PRELID2: variants seen among roughly 807,000 people sequenced by gnomAD.
PRELID2 encodes PRELI domain containing 2, also known as PRELI domain-containing protein 2.
Under a neutral mutation model 28.4 loss-of-function variants are expected in PRELID2, and 25 were observed. That is an observed-to-expected ratio of 0.88 (90% confidence interval 0.64 to 1.23). The LOEUF is 1.23. PRELID2 is among the 50% of genes most tolerant of loss of function. The pLI is 0.00. For missense variants in PRELID2, 201 were observed against 214.4 expected (o/e 0.94, Z 0.39); for synonymous variants, 76 against 71.6 (o/e 1.06, Z -0.31).
chr5:145,694,460 G>T (rs899985500), intron 1 of PRELID2, among the ~76,000 whole-genome samples: 1 of 151,966 alleles, frequency 6.6e-6, no homozygotes, highest in East Asian at 1.9e-4. Context: ...TTTAAAATAT[G>T]TTATTAATAA....
intron 1 of PRELID2, among the ~76,000 whole-genome samples, chr5:145,582,964 A>G (rs1322533799): frequency 6.6e-6 from 1 of 152,126 alleles, no homozygotes; most frequent in African/African-American, 2.4e-5. Context: ...TCCTGATACC[A>G]GCACCTAGCA....
At chr5:145,348,975 GT>G in the PRELID2 span, among the ~76,000 whole-genome samples, 2 of 152,084 alleles carry the variant, frequency 1.3e-5, no homozygotes, top group Non-Finnish European at 2.9e-5. Context: ...AAAGGGTTAG[GT>G]TTTTTGTCAT....
intron 1 of PRELID2, among the ~76,000 whole-genome samples, chr5:145,541,696 G>A (rs540339716): frequency 1.2e-4 from 19 of 152,112 alleles, no homozygotes; most frequent in African/African-American, 4.6e-4. Flanking sequence ...AGAGAACCTG[G>A]GGATGGAAGG....
At chr5:145,607,301 T>C (rs1454916760) in intron 1 of PRELID2, among the ~76,000 whole-genome samples, 1 of 152,174 alleles carries the variant, frequency 6.6e-6, no homozygotes, top group Non-Finnish European at 1.5e-5. Context: ...TGAGGTTGAT[T>C]TGCACTTGTT....
chr5:145,237,646 T>A, the PRELID2 span, among the ~76,000 whole-genome samples: 2 of 152,072 alleles, frequency 1.3e-5, no homozygotes, highest in African/African-American at 2.4e-5. Context: ...TTCCCCTGTA[T>A]CCATCATCTT....
rs1753339487 is a variant in PRELID2 at position 145,598,310 on chromosome 5, T to G, written n.71-124995A>C. Among the ~76,000 whole-genome samples the G allele has an allele frequency of 2.0e-5, 3 of 152,134 alleles. 1 individual carries two copies. In the South Asian group the frequency reaches 6.2e-4, roughly 31 times the overall value. ...AAAATTTAGAGTGGAGAAAGCAGTC[T>G]AAGCAATATAATAGTATTCTCTAAG... On this transcript the variant is annotated intron_variant and non_coding_transcript_variant, in intron 1 of 2. Coordinates refer to the PRELID2 transcript ENST00000510259.
chr5:145,736,477 A>T (rs1312213309), intron 1 of PRELID2, among the ~76,000 whole-genome samples: 2 of 152,202 alleles, frequency 1.3e-5, no homozygotes, highest in African/African-American at 4.8e-5. Context: ...ATTACTTAAG[A>T]TTATATAAAA....
chr5:145,507,801 A>T (rs1752424957), intron 1 of PRELID2, among the ~76,000 whole-genome samples: 1 of 152,168 alleles, frequency 6.6e-6, no homozygotes, highest in South Asian at 2.1e-4. Context: ...GGAGACATGG[A>T]GCCAGATGGA....
intron 1 of PRELID2, among the ~76,000 whole-genome samples, chr5:145,701,697 G>A (rs1367016404): frequency 6.6e-6 from 1 of 152,156 alleles, no homozygotes; most frequent in Non-Finnish European, 1.5e-5. Context: ...AATGAACTAT[G>A]TGCATTTCAG....
At chr5:145,551,349 C>T (rs185721482) in intron 1 of PRELID2, among the ~76,000 whole-genome samples, 5 of 151,678 alleles carry the variant, frequency 3.3e-5, no homozygotes, top group South Asian at 2.1e-4. Context: ...TGCAGTGAGC[C>T]GAGATTGTGC....
chr5:145,373,082 A>C, the PRELID2 span, among the ~76,000 whole-genome samples: 2 of 50,902 alleles, frequency 3.9e-5, no homozygotes, highest in Non-Finnish European at 6.4e-5. Flanking sequence ...ATATTACAAC[A>C]TATATAATAT....
intron 1 of PRELID2, among the ~76,000 whole-genome samples, chr5:145,722,541 C>A (rs911928532): frequency 1.3e-5 from 2 of 152,048 alleles, no homozygotes; most frequent in Non-Finnish European, 2.9e-5. Flanking sequence ...CTGTGTCACC[C>A]AGGCTGGAAT....
At chr5:145,780,050 C>T (rs1253571725) in intron 5 of PRELID2, among the ~76,000 whole-genome samples, 1 of 152,200 alleles carries the variant, frequency 6.6e-6, no homozygotes, top group East Asian at 1.9e-4. Context: ...TGGTGGCTCT[C>T]GCCCATAATC....
At chr5:145,560,053 T>C (rs1003047219) in intron 1 of PRELID2, among the ~76,000 whole-genome samples, 10 of 152,182 alleles carry the variant, frequency 6.6e-5, no homozygotes, top group Non-Finnish European at 8.8e-5. Context: ...AGTCTACAGT[T>C]AGGCAAATCA....
Position 145,582,354 on chromosome 5 carries a change from G to A in PRELID2, n.71-109039C>T, listed in dbSNP as rs112197604. On this transcript the variant is annotated intron_variant and non_coding_transcript_variant, in intron 1 of 2. Transcript: ENST00000510259. ...CAAGGCACATCTTACACAGCGGCAGGAGAGACAGAGAGCAAACAGGGAAGT... is the reference window on the plus strand; with the variant it reads ...CAAGGCACATCTTACACAGCGGCAGAAGAGACAGAGAGCAAACAGGGAAGT... Among the ~76,000 whole-genome samples the A allele has an allele frequency of 5.0e-3, 760 of 152,102 alleles. 6 individuals are homozygous for A. The highest frequency in any genetic ancestry group is 0.017 in the African/African-American group (726 of 41,520).
chr5:145,510,751 C>G (rs532490549), intron 1 of PRELID2, among the ~76,000 whole-genome samples: 14 of 152,322 alleles, frequency 9.2e-5, no homozygotes, highest in Non-Finnish European at 1.5e-4. Context: ...ACTGGGCATG[C>G]TGGGAAAAGC....
intron 5 of PRELID2, among the ~76,000 whole-genome samples, chr5:145,781,164 G>A (rs1751556882): frequency 6.6e-6 from 1 of 152,098 alleles, no homozygotes; most frequent in African/African-American, 2.4e-5. Context: ...TCTTAGAGTG[G>A]GGAGCCAGGA....
chr5:145,367,344 A>G, the PRELID2 span, among the ~76,000 whole-genome samples: 2 of 152,062 alleles, frequency 1.3e-5, no homozygotes, highest in East Asian at 3.9e-4. Flanking sequence ...AGCAGAAGGT[A>G]CCAAGATTTC....
chr5:145,622,740 CT>C (rs1296846579), intron 1 of PRELID2, among the ~76,000 whole-genome samples: 4 of 151,462 alleles, frequency 2.6e-5, no homozygotes, highest in Admixed American at 2.0e-4. Flanking sequence ...ATAATTTGGC[CT>C]AAGTTCTGAA....
Sources: allele counts gnomAD v4.1 joint callset (sites outside exome capture counted in the v4.1 genomes callset), GRCh38; gene constraint gnomAD v4.1.1; transcripts MANE v1.5; gene names NCBI Gene and HGNC (gene_info 2026-07-23, HGNC 2026-07-21).